Variants in KDSR observed in about 807,000 individuals in gnomAD.
KDSR encodes the protein 3-ketodihydrosphingosine reductase.
A neutral mutation model predicts 41.3 loss-of-function variants in KDSR; 23 were observed. The observed-to-expected ratio is 0.56, with a 90% confidence interval of 0.40 to 0.79. The LOEUF (loss-of-function observed/expected upper bound fraction) is 0.79. Ranked by LOEUF, KDSR falls within the 30% of genes least tolerant of loss-of-function variation. The pLI, the probability that KDSR is intolerant of heterozygous loss-of-function variation, is 0.00. For synonymous variants in KDSR, 138 were observed against 151.7 expected (o/e 0.91, Z 0.66); for missense variants, 351 against 416.8 (o/e 0.84, Z 1.37).
At chr18:63,343,122 C>T (rs1018575738) in intron 7 of KDSR, among the ~76,000 whole-genome samples, 8 of 152,162 alleles carry the variant, frequency 5.3e-5, no homozygotes, top group Non-Finnish European at 7.3e-5. Flanking sequence ...ACCTCTTTTA[C>T]GTGTAAATTA....
intron 5 of KDSR, among the ~76,000 whole-genome samples, chr18:63,351,335 A>G (rs559903890): frequency 6.6e-6 from 1 of 152,342 alleles, no homozygotes; most frequent in African/African-American, 2.4e-5. Context: ...GACAGCAGTT[A>G]ATGTTTTTCC....
At chr18:63,342,894 A>G (rs1914384911) in intron 7 of KDSR, among the ~76,000 whole-genome samples, 1 of 152,146 alleles carries the variant, frequency 6.6e-6, no homozygotes, top group African/African-American at 2.4e-5. Flanking sequence ...AGGTCACTGG[A>G]TCATGGGGGT....
intron 3 of KDSR, among the ~76,000 whole-genome samples, chr18:63,358,648 C>T (rs1330846514): frequency 4.0e-5 from 6 of 151,274 alleles, no homozygotes; most frequent in Non-Finnish European, 8.8e-5. Flanking sequence ...CCTGTCTCTA[C>T]TAAAAATACA....
Position 63,333,452 on chromosome 18 carries a change from A to G in KDSR, c.880-1551T>C, listed in dbSNP as rs549796160. Among the ~76,000 whole-genome samples, 176 of 152,310 alleles carry G rather than the reference A, an allele frequency of 1.2e-3. 1 individual carries two copies. The highest frequency in any genetic ancestry group is 4.1e-3 in the African/African-American group (170 of 41,570). On this transcript the variant is annotated intron_variant, in intron 9 of 9. Coordinates refer to ENST00000645214, the MANE Select transcript of KDSR (RefSeq NM_002035.4). Reference sequence around the variant, plus strand: ...GTCATTGAATGTTTTCATGCAATGTATAGTTGCAGTTTAGAAACAACTGGT... The same window carrying G: ...GTCATTGAATGTTTTCATGCAATGTGTAGTTGCAGTTTAGAAACAACTGGT...
chr18:63,341,934 T>C (rs4941197), intron 7 of KDSR, among the ~76,000 whole-genome samples: 15,056 of 151,804 alleles, frequency 0.099, 870 homozygotes, highest in East Asian at 0.28. Context: ...TCCCAGCACT[T>C]TGGGAGGCCA....
chr18:63,342,838 T>G (rs1236486478), intron 7 of KDSR, among the ~76,000 whole-genome samples: 5 of 152,100 alleles, frequency 3.3e-5, no homozygotes. Context: ...CATGCAAATC[T>G]CAGGTCCAAC....
At chr18:63,337,497 T>G (rs1213781934) in intron 8 of KDSR, among the ~76,000 whole-genome samples, 2 of 152,158 alleles carry the variant, frequency 1.3e-5, no homozygotes, top group Admixed American at 1.3e-4. Flanking sequence ...AATATAGCCA[T>G]GTAAATAAAC....
At chr18:63,357,544 A>G (rs1481173915) in intron 3 of KDSR, among the ~76,000 whole-genome samples, 1 of 143,972 alleles carries the variant, frequency 6.9e-6, no homozygotes, top group Non-Finnish European at 1.5e-5. Context: ...ATATATATAC[A>G]CATATATATA....
At chr18:63,360,131 A>T (rs745656672) in intron 2 of KDSR, among the ~76,000 whole-genome samples, 1 of 152,226 alleles carries the variant, frequency 6.6e-6, no homozygotes, top group Non-Finnish European at 1.5e-5. Flanking sequence ...GTGATATAAG[A>T]CAAGAACAAC....
At chr18:63,354,100 A>G (rs1914730797) in intron 5 of KDSR, among the ~76,000 whole-genome samples, 1 of 152,068 alleles carries the variant, frequency 6.6e-6, no homozygotes, top group Non-Finnish European at 1.5e-5. Context: ...AGGAGACTGG[A>G]GGTTCTGTTT....
At chr18:63,365,103 G>A (rs72483051) in intron 1 of KDSR, among the ~76,000 whole-genome samples, 12,816 of 152,178 alleles carry the variant, frequency 0.084, 643 homozygotes, top group East Asian at 0.27. Flanking sequence ...TTATTTGGTC[G>A]GTAATCAGCC....
intron 6 of KDSR, chr18:63,346,402 C>T (rs7231949): frequency 0.098 from 14,932 of 152,342 alleles, 856 homozygotes; most frequent in East Asian, 0.27. Flanking sequence ...AAAAATCCAA[C>T]GAGTGGTCAT....
Position 63,347,646 on chromosome 18 carries a change from C to G in KDSR, c.610-3153G>C, listed in dbSNP as rs189235762. ...TGAAACTCCAGAATTCAAGCTTTAG[C>G]TTACTTTCAGACCACAGAAGGAAGA... On this transcript the variant is annotated intron_variant, in intron 6 of 9. Transcript: ENST00000645214. 2.2e-3 allele frequency among the ~76,000 whole-genome samples: 335 copies of G among 152,024 alleles called. 1 individual carries two copies. Among genetic ancestry groups the G allele is most frequent in the African/African-American group, 7.3e-3 (304 of 41,460 alleles).
chr18:63,355,775 T>G (rs112410706), intron 3 of KDSR, among the ~76,000 whole-genome samples: 1 of 152,162 alleles, frequency 6.6e-6, no homozygotes, highest in African/African-American at 2.4e-5. Context: ...TAAAAATATA[T>G]AAATGCTCCT....
intron 2 of KDSR, 66 bp from the exon 3 acceptor site, chr18:63,359,858 A>G: frequency 9.5e-7 from 1 of 1,057,566 alleles, no homozygotes; most frequent in Non-Finnish European, 1.5e-6. Context: ...ATTGCAAAGG[A>G]GAGAAAAAAA....
chr18:63,358,231 A>C (rs1914859577), intron 3 of KDSR, among the ~76,000 whole-genome samples: 1 of 152,070 alleles, frequency 6.6e-6, no homozygotes. Context: ...GTTGCATAAG[A>C]AGCATAAAGA....
At chr18:63,355,432 G>A in intron 4 of KDSR, 66 bp downstream of exon 4, 2 of 1,611,594 alleles carry the variant, frequency 1.2e-6, no homozygotes, top group Non-Finnish European at 1.7e-6. Context: ...AAGCCACATA[G>A]CAAAATGGCA....
intron 9 of KDSR, among the ~76,000 whole-genome samples, chr18:63,333,626 T>C (rs1289268046): frequency 6.6e-6 from 1 of 152,194 alleles, no homozygotes; most frequent in Non-Finnish European, 1.5e-5. Context: ...GCAGACTCTG[T>C]GCAGCTAAAC....
intron 1 of KDSR, chr18:63,366,755 T>C (rs12454551): frequency 0.084 from 30,891 of 369,730 alleles, 1,816 homozygotes; most frequent in East Asian, 0.26. Context: ...CCGGGAACCC[T>C]GCGGCCGGCG....
Sources: allele counts gnomAD v4.1 joint callset (sites outside exome capture counted in the v4.1 genomes callset), GRCh38; gene constraint gnomAD v4.1.1; transcripts MANE v1.5; gene names NCBI Gene and HGNC (gene_info 2026-07-23, HGNC 2026-07-21).